The following DEPTOR variants were observed in gnomAD, a reference collection of about 807,000 sequenced individuals.
DEPTOR encodes DEP domain-containing mTOR-interacting protein.
A neutral mutation model predicts 41.6 loss-of-function variants in DEPTOR; 41 were observed. The ratio of observed to expected loss-of-function variants is 0.98; its 90% CI spans 0.77 to 1.28. DEPTOR has a LOEUF of 1.28. DEPTOR is among the 50% of genes most tolerant of loss of function. The pLI, the probability that DEPTOR is intolerant of heterozygous loss-of-function variation, is 0.00. For missense variants in DEPTOR, 514 were observed against 527.9 expected (o/e 0.97, Z 0.26); for synonymous variants, 195 against 192.3 (o/e 1.01, Z -0.12).
At position 119,962,028 on chromosome 8, in the gene DEPTOR, G is replaced by A. The variant is rs1828498504; in HGVS notation, c.426-3204G>A. ...GGCCAAGGCCAGCAGATCACTTGAG[G>A]TCAGGAGTTTGAGACCAGCATGGCC... is the stretch of plus-strand genomic sequence containing the variant. On this transcript the variant is annotated intron_variant, in intron 3 of 8. Coordinates refer to ENST00000286234, the MANE Select transcript of DEPTOR (RefSeq NM_022783.4). Among the ~76,000 whole-genome samples the A allele has an allele frequency of 2.0e-5, 3 of 149,650 alleles. No homozygotes were observed. The South Asian group carries it at 6.4e-4, about 32-fold the overall frequency.
At chr8:119,969,307 G>C (rs896310249) in intron 4 of DEPTOR, among the ~76,000 whole-genome samples, 3 of 151,690 alleles carry the variant, frequency 2.0e-5, no homozygotes, top group Non-Finnish European at 4.4e-5. Flanking sequence ...AAGGTACAAT[G>C]TAAAGGATAA....
chr8:120,043,937 G>C (rs115282373), intron 8 of DEPTOR, among the ~76,000 whole-genome samples: 1 of 151,814 alleles, frequency 6.6e-6, no homozygotes, highest in African/African-American at 2.4e-5. Flanking sequence ...GTTTGAACCC[G>C]GGTGTAGGAA....
intron 3 of DEPTOR, among the ~76,000 whole-genome samples, chr8:119,935,640 G>A (rs1265256787): frequency 5.3e-5 from 8 of 151,456 alleles, no homozygotes; most frequent in African/African-American, 1.9e-4. Flanking sequence ...AAAATTGCTT[G>A]AACCCAGGAG....
At chr8:119,905,710 G>A (rs908338806) in intron 1 of DEPTOR, among the ~76,000 whole-genome samples, 9 of 149,772 alleles carry the variant, frequency 6.0e-5, no homozygotes, top group Non-Finnish European at 1.2e-4. Context: ...GTATGATCTC[G>A]GCTTACTACA....
At chr8:120,044,621 A>G (rs549766584) in intron 8 of DEPTOR, among the ~76,000 whole-genome samples, 1 of 152,308 alleles carries the variant, frequency 6.6e-6, no homozygotes, top group South Asian at 2.1e-4. Context: ...TCCTATCCAT[A>G]CTGCCCACAG....
At chr8:119,891,990 TTTTTGTTTTG>T (rs1040361444) in intron 1 of DEPTOR, among the ~76,000 whole-genome samples, 4 of 151,988 alleles carry the variant, frequency 2.6e-5, no homozygotes, top group African/African-American at 4.8e-5. Context: ...GTTTTTTTGT[TTTTTGTTTTG>T]TTTTGTTTTG....
chr8:119,941,232 G>A (rs1828199026), intron 3 of DEPTOR, among the ~76,000 whole-genome samples: 1 of 151,968 alleles, frequency 6.6e-6, no homozygotes. Flanking sequence ...AATTAGCCAG[G>A]CATGGTGGCA....
chr8:120,023,813 T>TA (rs1554586502), intron 8 of DEPTOR, among the ~76,000 whole-genome samples: 8 of 151,684 alleles, frequency 5.3e-5, no homozygotes, highest in African/African-American at 1.9e-4. Context: ...TTTTTTTTTT[T>TA]ACTTTGCTTG....
intron 1 of DEPTOR, among the ~76,000 whole-genome samples, chr8:119,919,101 G>T (rs1482710259): frequency 6.6e-6 from 1 of 151,970 alleles, no homozygotes; most frequent in Non-Finnish European, 1.5e-5. Context: ...TTCTGATCAG[G>T]TTGGGAGAAT....
intron 4 of DEPTOR, among the ~76,000 whole-genome samples, chr8:119,970,666 T>C (rs760631149): frequency 5.3e-5 from 8 of 152,172 alleles, no homozygotes; most frequent in African/African-American, 9.7e-5. Context: ...CCTATGAACA[T>C]CCACAAGTTC....
At chr8:119,991,769 A>G (rs887674918) in intron 4 of DEPTOR, among the ~76,000 whole-genome samples, 4 of 152,220 alleles carry the variant, frequency 2.6e-5, no homozygotes, top group Admixed American at 2.0e-4. Flanking sequence ...AAATAGCTTC[A>G]ACTTTTCTAT....
chr8:119,873,934 A>T lies in DEPTOR; in HGVS notation c.88A>T (p.Met30Leu). 6.2e-7 allele frequency: 1 copy of T among 1,613,706 alleles called. No homozygotes were observed. Residue 30 changes from methionine (M) to leucine (L), a missense_variant, in exon 1 of 9, where the codon ATG (methionine) becomes TTG (leucine). Transcript: ENST00000286234. ...GGAQQRELER[M>L]AEVLVTGEQL... ...GGCGCAGCAAAGGGAGCTGGAGCGC[A>T]TGGCTGAGGTCTTGGTCACCGGGGA...
intron 8 of DEPTOR, among the ~76,000 whole-genome samples, chr8:120,031,011 A>C (rs1236824654): frequency 6.6e-6 from 1 of 152,092 alleles, no homozygotes; most frequent in Non-Finnish European, 1.5e-5. Context: ...ATGAACCTAA[A>C]ACTATCTTAA....
chr8:119,989,136 A>G (rs1828867661), intron 4 of DEPTOR, among the ~76,000 whole-genome samples: 1 of 151,846 alleles, frequency 6.6e-6, no homozygotes, highest in Non-Finnish European at 1.5e-5. Context: ...CAAAGTAATT[A>G]GCATTTTATG....
At chr8:119,986,420 T>G (rs769888846) in intron 4 of DEPTOR, among the ~76,000 whole-genome samples, 3 of 152,206 alleles carry the variant, frequency 2.0e-5, no homozygotes, top group Non-Finnish European at 2.9e-5. Flanking sequence ...GGGCTTCCCT[T>G]TGTGGGTAAC....
intron 1 of DEPTOR, among the ~76,000 whole-genome samples, chr8:119,900,854 C>T (rs1417690426): frequency 1.3e-5 from 2 of 152,180 alleles, no homozygotes; most frequent in Non-Finnish European, 2.9e-5. Flanking sequence ...TGACTTCTAA[C>T]TACATTTGTT....
At chr8:120,039,013 T>A (rs1215625469) in intron 8 of DEPTOR, among the ~76,000 whole-genome samples, 1 of 152,236 alleles carries the variant, frequency 6.6e-6, no homozygotes, top group Non-Finnish European at 1.5e-5. Flanking sequence ...TCTGGGGATA[T>A]GAACTACTAT....
At chr8:119,890,465 G>C (rs945026842) in intron 1 of DEPTOR, among the ~76,000 whole-genome samples, 1 of 152,028 alleles carries the variant, frequency 6.6e-6, no homozygotes, top group Non-Finnish European at 1.5e-5. Flanking sequence ...ACCATGCCCA[G>C]CTAATTTTTG....
At chr8:119,914,640 A>G (rs959831079) in intron 1 of DEPTOR, among the ~76,000 whole-genome samples, 2 of 151,988 alleles carry the variant, frequency 1.3e-5, no homozygotes, top group African/African-American at 4.8e-5. Context: ...GGGTTTCACC[A>G]TGTTGGCCAG....
Sources: allele counts gnomAD v4.1 joint callset (sites outside exome capture counted in the v4.1 genomes callset), GRCh38; gene constraint gnomAD v4.1.1; transcripts MANE v1.5; gene names NCBI Gene and HGNC (gene_info 2026-07-23, HGNC 2026-07-21).